KHDRBS2: variants seen among roughly 807,000 people sequenced by gnomAD.
KHDRBS2 encodes KH RNA binding domain containing, signal transduction associated 2.
A neutral mutation model predicts 44.3 loss-of-function variants in KHDRBS2; 26 were observed. That is an observed-to-expected ratio of 0.59 (90% confidence interval 0.43 to 0.81). KHDRBS2 has a LOEUF of 0.81. KHDRBS2 is among the 40% of genes least tolerant of loss of function. KHDRBS2 has a pLI of 0.00. For synonymous variants in KHDRBS2, 194 were observed against 151.1 expected (o/e 1.28, Z -2.08); for missense variants, 476 against 433.1 (o/e 1.10, Z -0.88).
chr6:62,136,476 C>T (rs1811547562), intron 2 of KHDRBS2, among the ~76,000 whole-genome samples: 1 of 152,136 alleles, frequency 6.6e-6, no homozygotes, highest in Non-Finnish European at 1.5e-5. Context: ...CATTCATTAC[C>T]ATTAATACAT....
chr6:61,790,335 G>T (rs1268793415), intron 6 of KHDRBS2, among the ~76,000 whole-genome samples: 2 of 150,458 alleles, frequency 1.3e-5, no homozygotes, highest in African/African-American at 4.9e-5. Context: ...AGATGCTTAA[G>T]TGAATGCAAT....
At chr6:61,640,850 G>A in the KHDRBS2 span, among the ~76,000 whole-genome samples, 2 of 152,144 alleles carry the variant, frequency 1.3e-5, no homozygotes, top group African/African-American at 4.8e-5. Context: ...AGTAAAGAAA[G>A]ATGGCATTCA....
chr6:61,825,709 C>T (rs755733175), intron 6 of KHDRBS2, among the ~76,000 whole-genome samples: 2 of 152,076 alleles, frequency 1.3e-5, no homozygotes, highest in African/African-American at 2.4e-5. Flanking sequence ...GGAACACAGA[C>T]ACTGCAGCCC....
chr6:62,193,862 A>T (rs1825096201), intron 1 of KHDRBS2, among the ~76,000 whole-genome samples: 1 of 152,122 alleles, frequency 6.6e-6, no homozygotes, highest in Non-Finnish European at 1.5e-5. Context: ...TATCATTGTA[A>T]ATTTGCTACC....
chr6:62,011,234 G>A (rs552670455), intron 3 of KHDRBS2, among the ~76,000 whole-genome samples: 1 of 152,214 alleles, frequency 6.6e-6, no homozygotes, highest in African/African-American at 2.4e-5. Context: ...AATGAATGAG[G>A]TAGAAATGAG....
chr6:62,061,946 T>C (rs535276923), intron 2 of KHDRBS2, among the ~76,000 whole-genome samples: 15 of 151,994 alleles, frequency 9.9e-5, no homozygotes, highest in Middle Eastern at 3.4e-3. Context: ...GCTGATACCC[T>C]TTCTTCCAGT....
intron 4 of KHDRBS2, among the ~76,000 whole-genome samples, chr6:61,921,555 A>C (rs1403770048): frequency 5.9e-5 from 9 of 152,038 alleles, no homozygotes; most frequent in Admixed American, 1.3e-4. Context: ...TGTGAGTCAA[A>C]TATAAATTCT....
chr6:61,732,828 T>A (rs1774708865), intron 6 of KHDRBS2, 64 bp from the exon 7 acceptor site: 1 of 863,482 alleles, frequency 1.2e-6, no homozygotes, highest in African/African-American at 1.7e-5. Context: ...CTGTTTTCAG[T>A]TAGCACAATT....
At chr6:62,059,412 G>A (rs1461087167) in intron 2 of KHDRBS2, among the ~76,000 whole-genome samples, 1 of 151,042 alleles carries the variant, frequency 6.6e-6, no homozygotes, top group African/African-American at 2.4e-5. Flanking sequence ...ATGATAATGG[G>A]AACATGAAGC....
chr6:62,023,563 CTA>C (rs1325055227), intron 3 of KHDRBS2, among the ~76,000 whole-genome samples: 1 of 151,410 alleles, frequency 6.6e-6, no homozygotes, highest in Non-Finnish European at 1.5e-5. Context: ...AATTTTGTGA[CTA>C]TTGTTTTTTA....
chr6:61,610,400 A>G, the KHDRBS2 span, among the ~76,000 whole-genome samples: 69 of 152,338 alleles, frequency 4.5e-4, 1 homozygote, highest in African/African-American at 1.4e-3. Context: ...ACTTAAAATC[A>G]TAAAAAATTA....
At chr6:61,663,891 A>T in the KHDRBS2 span, among the ~76,000 whole-genome samples, 1 of 151,712 alleles carries the variant, frequency 6.6e-6, no homozygotes, top group Non-Finnish European at 1.5e-5. Flanking sequence ...TCAGTTAGGG[A>T]GTAAAGAGCA....
At chr6:62,231,067 G>A (rs1466713931) in intron 1 of KHDRBS2, among the ~76,000 whole-genome samples, 1 of 152,058 alleles carries the variant, frequency 6.6e-6, no homozygotes, top group Admixed American at 6.6e-5. Flanking sequence ...TCATTTAGGG[G>A]AGATTAACAA....
chr6:61,698,401 C>T (rs1280884330), intron 7 of KHDRBS2, among the ~76,000 whole-genome samples: 1 of 152,090 alleles, frequency 6.6e-6, no homozygotes, highest in Non-Finnish European at 1.5e-5. Context: ...AAATTCACTT[C>T]GAATTGCAAA....
chr6:61,919,643 T>C (rs1234979107), intron 4 of KHDRBS2, among the ~76,000 whole-genome samples: 2 of 151,932 alleles, frequency 1.3e-5, no homozygotes, highest in Non-Finnish European at 2.9e-5. Flanking sequence ...CTAACAGGTA[T>C]TATTTTGTTT....
intron 1 of KHDRBS2, among the ~76,000 whole-genome samples, chr6:62,217,283 A>C (rs531133069): frequency 6.6e-6 from 1 of 151,892 alleles, no homozygotes; most frequent in East Asian, 1.9e-4. Flanking sequence ...TGACCAGAAA[A>C]AAAAGCTAAA....
At chr6:62,283,182 TTCAAACTACA>T (rs1271160240) in intron 1 of KHDRBS2, among the ~76,000 whole-genome samples, 2 of 152,046 alleles carry the variant, frequency 1.3e-5, no homozygotes, top group Non-Finnish European at 2.9e-5. Flanking sequence ...ATAAACAAAC[TTCAAACTACA>T]TTATTCAAGA....
At chr6:61,542,726 T>C in the KHDRBS2 span, among the ~76,000 whole-genome samples, 1 of 151,964 alleles carries the variant, frequency 6.6e-6, no homozygotes, top group East Asian at 1.9e-4. Flanking sequence ...GGCATCTTTA[T>C]TGTTTCCAAG....
intron 6 of KHDRBS2, among the ~76,000 whole-genome samples, chr6:61,749,725 T>G (rs1231022637): frequency 6.6e-6 from 1 of 152,164 alleles, no homozygotes; most frequent in Non-Finnish European, 1.5e-5. Flanking sequence ...CATCATAATC[T>G]CTGAGAGTTC....
Sources: gnomAD v4.1 joint callset for allele counts (sites outside exome capture counted in the v4.1 genomes callset) on GRCh38, gnomAD v4.1.1 for gene constraint, MANE v1.5 for transcripts, NCBI Gene and HGNC (gene_info 2026-07-23, HGNC 2026-07-21) for gene names.